Variants in RAD51AP2 observed in about 807,000 individuals in gnomAD.
RAD51AP2 encodes RAD51-associated protein 2.
RAD51AP2 carries 67 observed loss-of-function variants against 85.5 expected under a neutral mutation model. The ratio of observed to expected loss-of-function variants is 0.78; its 90% CI spans 0.64 to 0.96. RAD51AP2 has a LOEUF of 0.96. Ranked by LOEUF, RAD51AP2 falls within the 40% of genes least tolerant of loss-of-function variation. The pLI is 0.00. For missense variants in RAD51AP2, 1,307 were observed against 1,332.4 expected (o/e 0.98, Z 0.30); for synonymous variants, 474 against 446.5 (o/e 1.06, Z -0.78).
chr2:17,515,931 AT>A lies in RAD51AP2; in HGVS notation c.2484del (p.Lys828AsnfsTer4), dbSNP rs750411008. 1.5e-5 allele frequency: 24 copies of A among 1,602,350 alleles called. No homozygotes were observed. Among genetic ancestry groups the A allele is most frequent in the South Asian group, 4.6e-5 (4 of 87,650 alleles). ...WNLLSEIEEK[K>X]YDLILKEEVK... ...ACTTCCTCTTTCAAAATTAAGTCAT[AT>A]TTTTTTTCTTCTATTTCACTTAGCA... is the stretch of plus-strand genomic sequence containing the variant. On this transcript the variant is annotated frameshift_variant, in exon 1 of 3. Coordinates refer to ENST00000399080, the MANE Select transcript of RAD51AP2 (RefSeq NM_001099218.3). LOFTEE classifies it high-confidence loss of function.
upstream of RAD51AP2, among the ~76,000 whole-genome samples, chr2:17,519,909 A>G (rs531329198): frequency 8.5e-5 from 13 of 152,284 alleles, no homozygotes; most frequent in East Asian, 2.3e-3. Flanking sequence ...CGCTAGTGTG[A>G]TATTAGGACC....
rs767926992 is a variant in RAD51AP2, at chr2:17,517,659, C to A, written c.757G>T (p.Asp253Tyr). 3 of 1,613,918 alleles carry A rather than the reference C, an allele frequency of 1.9e-6. No homozygotes were observed. Among genetic ancestry groups the A allele is most frequent in the Admixed American group, 3.3e-5 (2 of 60,002 alleles). Residue 253 changes from aspartate to tyrosine, a missense_variant, in exon 1 of 3, where the codon GAT (aspartate) becomes TAT (tyrosine). Asp to Tyr is a radical substitution (Grantham distance 160, BLOSUM62 -3). This residue lies in a region of RAD51AP2 where 635 missense variants were observed against 643.6 expected (regional missense o/e 0.99). Coordinates refer to ENST00000399080, the MANE Select transcript of RAD51AP2 (RefSeq NM_001099218.3). ...LEIAKPSYFR[D>Y]SGTISVPQFP... is the part of the protein sequence containing the mutation. ...TGAGGGACACTTATTGTGCCGCTAT[C>A]TCTAAAATAGCTAGGTTTGGCAATT...
upstream of RAD51AP2, among the ~76,000 whole-genome samples, chr2:17,518,727 C>A (rs1483900792): frequency 1.3e-5 from 2 of 151,940 alleles, no homozygotes; most frequent in Non-Finnish European, 2.9e-5. Context: ...TGTAGAGAGT[C>A]TAAATGCTTT....
At chr2:17,534,560 T>C in the RAD51AP2 span, among the ~76,000 whole-genome samples, 1 of 152,180 alleles carries the variant, frequency 6.6e-6, no homozygotes, top group African/African-American at 2.4e-5. Flanking sequence ...TTCTTCTTTT[T>C]TTTTTAATCA....
chr2:17,526,338 G>A, the RAD51AP2 span, among the ~76,000 whole-genome samples: 1 of 151,866 alleles, frequency 6.6e-6, no homozygotes, highest in Admixed American at 6.6e-5. Context: ...AATAGGTATA[G>A]GCTTGTAGTC....
At position 17,510,872 on chromosome 2, in the gene RAD51AP2, C is replaced by T; in HGVS notation, c.3412G>A (p.Ala1138Thr). ...RPIRIGLSRK[A>T]RIKQLHPYLK... ...TAAGGATGAAGTTGTTTAATCCTTG[C>T]TTTTCTTGACAAACCAATCCTGATT... Residue 1138 changes from alanine to threonine, a missense_variant, in exon 3 of 3, where the codon GCA becomes ACA. Around this residue, in one of 3 missense-constraint regions of RAD51AP2, gnomAD observed 668 missense variants for 671.0 expected, o/e 1.00. Coordinates refer to ENST00000399080, the MANE Select transcript of RAD51AP2 (RefSeq NM_001099218.3). 1.9e-6 allele frequency: 3 copies of T among 1,608,844 alleles called. No individual in the cohort carries two copies. Among genetic ancestry groups the T allele is most frequent in the Non-Finnish European group, 2.5e-6 (3 of 1,176,962 alleles).
chr2:17,514,198 A>G, intron 1 of RAD51AP2, 106 bp from the exon 2 acceptor site: 1 of 756,584 alleles, frequency 1.3e-6, no homozygotes. Context: ...GTTGGCTCCT[A>G]ATATTTAGAA....
upstream of RAD51AP2, chr2:17,518,545 GC>G (rs1228583191): frequency 3.3e-6 from 4 of 1,207,584 alleles, no homozygotes; most frequent in African/African-American, 4.6e-5. Flanking sequence ...CTCAGGGTTT[GC>G]CCCACCCCGA....
the RAD51AP2 span, among the ~76,000 whole-genome samples, chr2:17,530,604 A>G: frequency 7.9e-6 from 1 of 127,214 alleles, no homozygotes; most frequent in East Asian, 3.9e-4. Context: ...AAAAAAAAAA[A>G]AAAAAAAAAA....
intron 1 of RAD51AP2, 133 bp downstream of exon 1, chr2:17,515,036 G>A: frequency 3.2e-6 from 2 of 625,968 alleles, no homozygotes; most frequent in Non-Finnish European, 5.2e-6. Context: ...AAAATAGTGT[G>A]CATCAATAAA....
At chr2:17,524,001 G>C in the RAD51AP2 span, among the ~76,000 whole-genome samples, 2 of 151,886 alleles carry the variant, frequency 1.3e-5, no homozygotes, top group Admixed American at 1.3e-4. Flanking sequence ...GCCTGATGCT[G>C]AATGAAATAT....
chr2:17,534,778 A>T, the RAD51AP2 span, among the ~76,000 whole-genome samples: 1 of 152,356 alleles, frequency 6.6e-6, no homozygotes, highest in East Asian at 1.9e-4. Flanking sequence ...ATTGAGTAAA[A>T]GTCCTTGAAA....
At chr2:17,527,577 C>A in the RAD51AP2 span, among the ~76,000 whole-genome samples, 1 of 152,076 alleles carries the variant, frequency 6.6e-6, no homozygotes, top group African/African-American at 2.4e-5. Context: ...ATTGTAGTAT[C>A]GGCCACAGGA....
At chr2:17,511,361 G>A (rs1340743125) in intron 2 of RAD51AP2, among the ~76,000 whole-genome samples, 3 of 152,044 alleles carry the variant, frequency 2.0e-5, no homozygotes, top group Admixed American at 6.6e-5. Context: ...TTCTAATGGA[G>A]GTTATTGTCA....
intron 1 of RAD51AP2, among the ~76,000 whole-genome samples, chr2:17,514,533 C>CG (rs1662588115): frequency 2.0e-5 from 2 of 97,908 alleles, no homozygotes; most frequent in South Asian, 3.1e-4. Flanking sequence ...AGGCCGAGGG[C>CG]GGCGGGGGGG....
the RAD51AP2 span, among the ~76,000 whole-genome samples, chr2:17,529,946 G>A: frequency 6.6e-6 from 1 of 152,158 alleles, no homozygotes; most frequent in Non-Finnish European, 1.5e-5. Flanking sequence ...TGCTCTTAGT[G>A]AGTCAGATCT....
chr2:17,515,569 T>A lies in RAD51AP2; in HGVS notation c.2847A>T (p.Lys949Asn). ...NDECFQDLAA[K>N]YLSTEALTIV... The stretch of plus-strand genomic sequence containing the variant: ...TTGTCAGAGCTTCTGTTGATAAATA[T>A]TTAGCAGCTAAGTCCTGAAAACATT... Residue 949 changes from lysine (K) to asparagine (N), a missense_variant, in exon 1 of 3, where the codon AAA (lysine) becomes AAT (asparagine). By Grantham distance (94) the Lys-to-Asn change is moderately conservative. Coordinates refer to ENST00000399080, the MANE Select transcript of RAD51AP2 (RefSeq NM_001099218.3). The A allele has an allele frequency of 6.2e-7, 1 of 1,608,332 alleles. No homozygotes were observed. The highest frequency in any genetic ancestry group is 8.5e-7 in the Non-Finnish European group (1 of 1,178,392).
the RAD51AP2 span, among the ~76,000 whole-genome samples, chr2:17,525,077 G>C: frequency 4.7e-4 from 71 of 151,910 alleles, no homozygotes; most frequent in African/African-American, 1.7e-3. Flanking sequence ...TAATCTGAAA[G>C]CCACTGACTC....
intron 1 of RAD51AP2, among the ~76,000 whole-genome samples, 166 bp downstream of exon 1, chr2:17,515,003 G>T (rs1572293555): frequency 1.6e-5 from 2 of 126,752 alleles, no homozygotes; most frequent in East Asian, 4.8e-4. Context: ...ATGGCTTCTT[G>T]CTGGAAAAAA....
Sources: allele counts gnomAD v4.1 joint callset (sites outside exome capture counted in the v4.1 genomes callset), GRCh38; gene constraint gnomAD v4.1.1; regional missense constraint gnomAD v4.1.1; transcripts MANE v1.5; gene names NCBI Gene and HGNC (gene_info 2026-07-23, HGNC 2026-07-21).